The following MTPN variants were observed in gnomAD, a reference collection of about 807,000 sequenced individuals.
MTPN encodes myotrophin, also known as granule cell differentiation protein.
Under a neutral mutation model 13.5 loss-of-function variants are expected in MTPN, and 2 were observed. The observed-to-expected ratio is 0.15, with a 90% confidence interval of 0.06 to 0.47. The LOEUF is 0.47. Among genes scored for constraint, MTPN ranks in the 20% least tolerant of loss-of-function variants. The probability of loss-of-function intolerance (pLI) is 0.97; values close to 1 mark genes in which losing one functional copy is unlikely to be tolerated. For synonymous variants in MTPN, 46 were observed against 51.7 expected, an observed-to-expected ratio of 0.89 and a Z score of 0.48; for missense variants, 79 against 137.9, an observed-to-expected ratio of 0.57 and a Z score of 2.14.
chr7:135,948,223 T>C (rs1414558048), intron 3 of MTPN, among the ~76,000 whole-genome samples: 1 of 152,162 alleles, frequency 6.6e-6, no homozygotes, highest in Non-Finnish European at 1.5e-5. Context: ...CTAACAAAAC[T>C]ACAGGGTATC....
Position 135,938,372 on chromosome 7 carries a change from G to A in MTPN, c.271-8360C>T, listed in dbSNP as rs538214723. ...TGGTTTTGAATGGTCAATTCACTTT[G>A]GAAAGAAAGCAATTTAGAATCAAAT... On this transcript the variant is annotated intron_variant, in intron 3 of 3. Transcript: ENST00000393085. Among the ~76,000 whole-genome samples, 5 of 152,208 alleles carry A rather than the reference G, an allele frequency of 3.3e-5. No homozygotes were observed. The South Asian group carries it at 1.0e-3, about 32-fold the overall frequency.
chr7:135,937,370 T>TACACACACACACACAC (rs35704525), intron 3 of MTPN, among the ~76,000 whole-genome samples: 255 of 144,484 alleles, frequency 1.8e-3, no homozygotes, highest in African/African-American at 6.0e-3. Flanking sequence ...GCTAACTGGA[T>TACACACACACACACAC]ACACACACAC....
At chr7:135,972,812 TC>T (rs1799715995) in intron 1 of MTPN, among the ~76,000 whole-genome samples, 1 of 151,786 alleles carries the variant, frequency 6.6e-6, no homozygotes, top group South Asian at 2.1e-4. Flanking sequence ...AAGGGCCAAC[TC>T]CTCATCGGTA....
At chr7:135,943,398 C>G (rs1799242678) in intron 3 of MTPN, among the ~76,000 whole-genome samples, 1 of 152,126 alleles carries the variant, frequency 6.6e-6, no homozygotes. Context: ...GAGGAGTCAA[C>G]AATGCTGATA....
chr7:135,936,492 C>CA (rs947738655), intron 3 of MTPN, among the ~76,000 whole-genome samples: 10 of 151,132 alleles, frequency 6.6e-5, no homozygotes, highest in East Asian at 1.9e-4. Flanking sequence ...CTCAAACAAA[C>CA]AAAAAAAACG....
chr7:135,946,425 A>G (rs1387505222), intron 3 of MTPN, among the ~76,000 whole-genome samples: 1 of 152,228 alleles, frequency 6.6e-6, no homozygotes, highest in Non-Finnish European at 1.5e-5. Context: ...TAGGGTTTTA[A>G]AACGATGTGC....
chr7:135,971,865 T>A (rs1420456549), intron 1 of MTPN, among the ~76,000 whole-genome samples: 1 of 152,192 alleles, frequency 6.6e-6, no homozygotes, highest in African/African-American at 2.4e-5. Flanking sequence ...CTGGACTGTG[T>A]AGGATCACAA....
At position 135,929,197 on chromosome 7, in the gene MTPN, T is replaced by C. The variant is rs929796376; in HGVS notation, c.*729A>G. 4 of 167,172 alleles carry C rather than the reference T, an allele frequency of 2.4e-5. No individual in the cohort carries two copies. Among genetic ancestry groups the C allele is most frequent in the African/African-American group, 4.8e-5 (2 of 41,566 alleles). 10.4% of individuals were successfully genotyped at this position (167,172 alleles called of 1,614,324 possible). On this transcript the variant is annotated 3_prime_UTR_variant, in exon 4 of 4. Coordinates refer to ENST00000393085, the MANE Select transcript of MTPN (RefSeq NM_145808.4). ...AATCTAGAGGAGAAAAAAATATGCA[T>C]ACTGGAATGGTTTCTCCTTTAGACT...
chr7:135,948,474 T>C (rs1799316640), intron 3 of MTPN, among the ~76,000 whole-genome samples: 2 of 151,966 alleles, frequency 1.3e-5, no homozygotes, highest in Admixed American at 6.6e-5. Context: ...AAAAACAAAC[T>C]AGTTAAAAGT....
chr7:135,958,168 T>A (rs922626723), intron 1 of MTPN, among the ~76,000 whole-genome samples: 1 of 152,212 alleles, frequency 6.6e-6, no homozygotes, highest in Admixed American at 6.5e-5. Context: ...CTTGTTTATA[T>A]GTCTTTCATT....
At chr7:135,934,104 TCA>T (rs1584805018) in intron 3 of MTPN, among the ~76,000 whole-genome samples, 1 of 152,186 alleles carries the variant, frequency 6.6e-6, no homozygotes, top group East Asian at 1.9e-4. Context: ...CATAAATCAC[TCA>T]GTCTCAGGTA....
Position 135,952,537 on chromosome 7 carries a change from T to C in MTPN, c.73-907A>G, listed in dbSNP as rs147245263. 1.1e-3 allele frequency among the ~76,000 whole-genome samples: 171 copies of C among 152,352 alleles called. No homozygotes were observed. In the Middle Eastern group the frequency reaches 0.02, roughly 18 times the overall value. Reference sequence around the variant, plus strand: ...AAGCTGAAGAGGTTAAATAACTTTTTACTGTGGTTCAGTTAGTAACAGAGT... The same window carrying C: ...AAGCTGAAGAGGTTAAATAACTTTTCACTGTGGTTCAGTTAGTAACAGAGT... On this transcript the variant is annotated intron_variant, in intron 1 of 3. Coordinates refer to ENST00000393085, the MANE Select transcript of MTPN (RefSeq NM_145808.4).
At position 135,945,567 on chromosome 7, in the gene MTPN, C is replaced by T. The variant is rs1193844433; in HGVS notation, c.270+5032G>A. 3.3e-5 allele frequency among the ~76,000 whole-genome samples: 5 copies of T among 152,152 alleles called. No homozygotes were observed. In the South Asian group the frequency reaches 8.3e-4, roughly 25 times the overall value. On this transcript the variant is annotated intron_variant, in intron 3 of 3. Coordinates refer to ENST00000393085, the MANE Select transcript of MTPN (RefSeq NM_145808.4). ...TACACAGGGTCAGGATCATCAATAT[C>T]ACTTTTTCCACCTCCATATCTTGTC... is the stretch of plus-strand genomic sequence containing the variant.
At position 135,939,491 on chromosome 7, in the gene MTPN, TC is replaced by T. The variant is rs572358894; in HGVS notation, c.271-9480del. Among the ~76,000 whole-genome samples, 893 of 149,022 alleles carry T rather than the reference TC, an allele frequency of 6.0e-3. 7 individuals are homozygous for T. Among genetic ancestry groups the T allele is most frequent in the Middle Eastern group, 0.018 (5 of 284 alleles). ...TGACCTAATTTTGGCCTTAGCTCTT[TC>T]CCCCCTCTTCCTGTTGTCAACAGAC... is the stretch of plus-strand genomic sequence containing the variant. On this transcript the variant is annotated intron_variant, in intron 3 of 3. Coordinates refer to ENST00000393085, the MANE Select transcript of MTPN (RefSeq NM_145808.4).
At chr7:135,976,951 T>C in intron 1 of MTPN, 78 bp downstream of exon 1, 1 of 656,128 alleles carries the variant, frequency 1.5e-6, no homozygotes, top group Non-Finnish European at 2.7e-6. Context: ...ATCCCCGCAG[T>C]CCAGCTCCCA....
At chr7:135,940,782 C>G (rs930497863) in intron 3 of MTPN, among the ~76,000 whole-genome samples, 17 of 152,182 alleles carry the variant, frequency 1.1e-4, no homozygotes, top group Admixed American at 6.5e-5. Context: ...TTGTATCTTA[C>G]AGAAAATAAA....
intron 3 of MTPN, among the ~76,000 whole-genome samples, chr7:135,935,574 T>C (rs1242070240): frequency 1.3e-5 from 2 of 152,154 alleles, no homozygotes; most frequent in Non-Finnish European, 2.9e-5. Context: ...AGACTCTACA[T>C]GTTTGGGTGT....
chr7:135,930,026 GA>G lies in MTPN; in HGVS notation c.271-15del. On this transcript the variant is annotated splice_polypyrimidine_tract_variant and intron_variant, in intron 3 of 3. Transcript: ENST00000393085. ...CTTATCAGCACCCTGGAAAAGAGAGGAAAGGGCTCATTAAATGAGCCCACAA... is the reference window on the plus strand; with the variant it reads ...CTTATCAGCACCCTGGAAAAGAGAGGAAGGGCTCATTAAATGAGCCCACAA... 4 of 1,501,656 alleles carry G rather than the reference GA, an allele frequency of 2.7e-6. No individual in the cohort carries two copies. Among genetic ancestry groups the G allele is most frequent in the African/African-American group, 1.4e-5 (1 of 71,650 alleles). 93.0% of individuals were successfully genotyped at this position (1,501,656 alleles called of 1,614,324 possible).
At chr7:135,973,847 C>CTA (rs1799732485) in intron 1 of MTPN, among the ~76,000 whole-genome samples, 1 of 152,146 alleles carries the variant, frequency 6.6e-6, no homozygotes, top group Non-Finnish European at 1.5e-5. Context: ...AACTTCTGTA[C>CTA]TATCATCCCA....
Sources: gnomAD v4.1 joint callset for allele counts (sites outside exome capture counted in the v4.1 genomes callset) on GRCh38, gnomAD v4.1.1 for gene constraint, MANE v1.5 for transcripts, NCBI Gene and HGNC (gene_info 2026-07-23, HGNC 2026-07-21) for gene names.